Variants in SHISA6 observed in about 807,000 individuals in gnomAD.
The protein encoded by SHISA6 is shisa family member 6, also known as protein shisa-6.
SHISA6 carries 22 observed loss-of-function variants against 47.9 expected under a neutral mutation model. The ratio of observed to expected loss-of-function variants is 0.46; its 90% CI spans 0.33 to 0.66. The LOEUF is 0.66. SHISA6 is among the 30% of genes least tolerant of loss of function. The probability of loss-of-function intolerance (pLI) is 0.02; values close to 1 mark genes in which losing one functional copy is unlikely to be tolerated. For synonymous variants in SHISA6, 388 were observed against 337.8 expected (o/e 1.15, Z -1.63); for missense variants, 680 against 764.6 (o/e 0.89, Z 1.30).
chr17:11,308,207 C>T (rs1042293405), intron 2 of SHISA6, among the ~76,000 whole-genome samples: 1 of 152,148 alleles, frequency 6.6e-6, no homozygotes, highest in Non-Finnish European at 1.5e-5. Context: ...CCCTGAATTT[C>T]CTTAGTGTTT....
intron 2 of SHISA6, among the ~76,000 whole-genome samples, chr17:11,277,053 G>A (rs1016776735): frequency 3.9e-5 from 6 of 152,082 alleles, no homozygotes; most frequent in Non-Finnish European, 7.3e-5. Flanking sequence ...CAGTTGATGA[G>A]CATGACCAGG....
intron 3 of SHISA6, among the ~76,000 whole-genome samples, chr17:11,507,564 A>G (rs961108517): frequency 2.0e-5 from 3 of 152,140 alleles, no homozygotes; most frequent in African/African-American, 7.2e-5. Flanking sequence ...CATTAAACAG[A>G]TGTATTCCCC....
intron 2 of SHISA6, among the ~76,000 whole-genome samples, chr17:11,304,048 G>A (rs1453728866): frequency 6.6e-6 from 1 of 152,208 alleles, no homozygotes. Context: ...TGGAGCAGAA[G>A]GCCATATCAG....
At chr17:11,420,169 A>T (rs1914411750) in intron 3 of SHISA6, among the ~76,000 whole-genome samples, 1 of 152,164 alleles carries the variant, frequency 6.6e-6, no homozygotes, top group Non-Finnish European at 1.5e-5. Flanking sequence ...GCGCCACTGC[A>T]CTCCAGCCTG....
In SHISA6 at chr17:11,523,423, G is replaced by A. The variant is rs150992758; in HGVS notation, c.896-28473G>A. The stretch of plus-strand genomic sequence containing the variant: ...AATATCACTGCAGAGGCAGGCAGAT[G>A]TCTCTCTGTGAGCCAGGGAGATAGA... On this transcript the variant is annotated intron_variant, in intron 3 of 5. Transcript: ENST00000441885. Among the ~76,000 whole-genome samples, 822 of 152,302 alleles carry A rather than the reference G, an allele frequency of 5.4e-3. 2 individuals carry two copies. Among genetic ancestry groups the A allele is most frequent in the Non-Finnish European group, 8.6e-3 (584 of 68,036 alleles).
chr17:11,395,627 C>T (rs995089416), intron 3 of SHISA6, among the ~76,000 whole-genome samples: 4 of 150,826 alleles, frequency 2.7e-5, no homozygotes, highest in African/African-American at 7.3e-5. Flanking sequence ...AAGCGATTCT[C>T]CTGCCTCAGC....
At chr17:11,248,877 C>A (rs1597420247) in intron 1 of SHISA6, among the ~76,000 whole-genome samples, 1 of 152,144 alleles carries the variant, frequency 6.6e-6, no homozygotes. Context: ...CAGTGGCTCA[C>A]GCCTGTAATC....
chr17:11,314,116 T>G (rs1010251916), intron 2 of SHISA6, among the ~76,000 whole-genome samples: 1 of 152,192 alleles, frequency 6.6e-6, no homozygotes, highest in Non-Finnish European at 1.5e-5. Context: ...ACTGACAGAC[T>G]ATGCCCTTGT....
At chr17:11,409,664 A>C (rs1914061904) in intron 3 of SHISA6, among the ~76,000 whole-genome samples, 2 of 149,572 alleles carry the variant, frequency 1.3e-5, no homozygotes, top group Admixed American at 6.7e-5. Context: ...AGATCGTGCC[A>C]TCGCACTCCA....
At chr17:11,302,634 G>A (rs1909969037) in intron 2 of SHISA6, among the ~76,000 whole-genome samples, 1 of 152,218 alleles carries the variant, frequency 6.6e-6, no homozygotes, top group African/African-American at 2.4e-5. Context: ...TAGCCTGAGT[G>A]CATTGGTGGC....
At chr17:11,417,030 TTAAAA>T (rs1304619841) in intron 3 of SHISA6, among the ~76,000 whole-genome samples, 3 of 152,126 alleles carry the variant, frequency 2.0e-5, no homozygotes, top group Non-Finnish European at 4.4e-5. Context: ...AATGAAATAA[TTAAAA>T]TAAAATTATA....
At position 11,477,293 on chromosome 17, in the gene SHISA6, C is replaced by T. The variant is rs1305060054; in HGVS notation, c.896-74603C>T. Among the ~76,000 whole-genome samples the T allele has an allele frequency of 4.1e-5, 6 of 147,904 alleles. No homozygotes were observed. In the Admixed American group the frequency reaches 4.1e-4, roughly 10 times the overall value. Reference sequence around the variant, plus strand: ...CTGATATAGTTGGATTAGTATCTACCATATTTATTACAGTTTTCTGTGTTG... The same window carrying T: ...CTGATATAGTTGGATTAGTATCTACTATATTTATTACAGTTTTCTGTGTTG... On this transcript the variant is annotated intron_variant, in intron 3 of 5. Transcript: ENST00000441885.
intron 3 of SHISA6, among the ~76,000 whole-genome samples, chr17:11,424,298 G>A (rs911875420): frequency 2.0e-5 from 3 of 151,880 alleles, no homozygotes; most frequent in Non-Finnish European, 4.4e-5. Context: ...CAACATACAC[G>A]ATAGTGCCAG....
At chr17:11,386,582 C>T (rs913330739) in intron 3 of SHISA6, among the ~76,000 whole-genome samples, 10 of 152,048 alleles carry the variant, frequency 6.6e-5, no homozygotes, top group African/African-American at 2.4e-4. Context: ...GGAGAGAAAT[C>T]ACAGTCCATT....
intron 3 of SHISA6, among the ~76,000 whole-genome samples, chr17:11,441,726 C>T (rs1052651580): frequency 1.3e-5 from 2 of 152,108 alleles, no homozygotes; most frequent in African/African-American, 4.8e-5. Context: ...GACCTTTTTG[C>T]CTGCATTAAG....
At chr17:11,533,471 CCTTT>C (rs1244991336) in intron 3 of SHISA6, among the ~76,000 whole-genome samples, 1 of 152,062 alleles carries the variant, frequency 6.6e-6, no homozygotes, top group Non-Finnish European at 1.5e-5. Flanking sequence ...TTATTCTTGG[CCTTT>C]CTTTCTGTGA....
intron 1 of SHISA6, among the ~76,000 whole-genome samples, chr17:11,248,450 G>A (rs757209739): frequency 5.3e-5 from 8 of 152,156 alleles, no homozygotes; most frequent in Non-Finnish European, 1.0e-4. Flanking sequence ...CAGGGCGCCT[G>A]TGTTCTAGCG....
chr17:11,293,722 G>A (rs1421675538), intron 2 of SHISA6, among the ~76,000 whole-genome samples: 3 of 152,158 alleles, frequency 2.0e-5, no homozygotes, highest in East Asian at 1.9e-4. Flanking sequence ...TGGCCTCAGC[G>A]AAGTCAGTCT....
chr17:11,539,124 T>C lies in SHISA6; in HGVS notation c.896-12772T>C, dbSNP rs8069728. Among the ~76,000 whole-genome samples, 942 of 152,226 alleles carry C rather than the reference T, an allele frequency of 6.2e-3. 9 individuals are homozygous for C. The highest frequency in any genetic ancestry group is 0.021 in the African/African-American group (852 of 41,536). On this transcript the variant is annotated intron_variant, in intron 3 of 5. Transcript: ENST00000441885. ...GCCCGGCTAATTTTTTTACTTTTAA[T>C]AGAGACGGGGTTTCACCATGTTGGC... is the stretch of plus-strand genomic sequence containing the variant.
Sources: gnomAD v4.1 joint callset for allele counts (sites outside exome capture counted in the v4.1 genomes callset) on GRCh38, gnomAD v4.1.1 for gene constraint, MANE v1.5 for transcripts, NCBI Gene and HGNC (gene_info 2026-07-23, HGNC 2026-07-21) for gene names.